C1orf159: variants seen among roughly 807,000 people sequenced by gnomAD.
C1orf159 encodes the protein uncharacterized protein C1orf159.
A neutral mutation model predicts 25.6 loss-of-function variants in C1orf159; 19 were observed. The observed-to-expected ratio is 0.74, with a 90% CI of 0.52 to 1.09. C1orf159 has a LOEUF of 1.09. Among genes scored for constraint, C1orf159 ranks in the 50% least tolerant of loss-of-function variants. The pLI, the probability that C1orf159 is intolerant of heterozygous loss-of-function variation, is 0.00. For synonymous variants in C1orf159, 139 were observed against 124.7 expected (o/e 1.12, Z -0.77); for missense variants, 274 against 290.6 (o/e 0.94, Z 0.42).
At chr1:1,091,702 TGGGTGGGGCTGTGGTGGA>T (rs1398470482) in intron 2 of C1orf159, 137 bp from the exon 3 acceptor site, 6 of 156,478 alleles carry the variant, frequency 3.8e-5, no homozygotes, top group Non-Finnish European at 8.0e-5. Context: ...CAAATGGAGA[TGGGTGGGGCTGTGGTGGA>T]GGGTGGGGCC....
intron 9 of C1orf159, chr1:1,083,765 C>A: frequency 1.4e-6 from 1 of 718,650 alleles, no homozygotes; most frequent in Non-Finnish European, 2.3e-6. Flanking sequence ...ACGGTCTGTC[C>A]CCTAAAGGCA....
At position 1,085,382 on chromosome 1, in the gene C1orf159, G is replaced by C. The variant is rs551677244; in HGVS notation, c.445+496C>G. On this transcript the variant is annotated intron_variant, in intron 7 of 9. Transcript: ENST00000421241. ...CCGCCTGAAGGCACCACAGTCACAA[G>C]GCCGTCTCTCCAGTGGGAAGGGGTC... is the stretch of plus-strand genomic sequence containing the variant. 3.0e-5 allele frequency: 10 copies of C among 332,840 alleles called. No homozygotes were observed. The East Asian group carries it at 7.8e-4, about 26-fold the overall frequency. The allele number at this position is 332,840 out of a possible 1,614,324, so 20.6% of individuals were successfully genotyped here. A position where few individuals can be genotyped will look rare whatever the true frequency, so the allele number is the denominator to read the frequency against.
rs761887046 is a variant in C1orf159, at chr1:1,089,726, A to G, written c.148+627T>C. On this transcript the variant is annotated intron_variant, in intron 4 of 9. Coordinates refer to ENST00000421241, the MANE Select transcript of C1orf159 (RefSeq NM_017891.5). This position sits in a 1 kb window ranked among gnomAD's most constrained non-coding sequence, Gnocchi z 7.5. The stretch of plus-strand genomic sequence containing the variant: ...GCTGGGGCATCTCAGCCCCAAGTTC[A>G]CCAAGGGCCGCCAAGGAGTGGCCCT... Among the ~76,000 whole-genome samples, 1 of 151,908 alleles carries G rather than the reference A, an allele frequency of 6.6e-6. No homozygotes were observed. Among genetic ancestry groups the G allele is most frequent in the African/African-American group, 2.4e-5 (1 of 41,334 alleles).
At chr1:1,097,452 G>A (rs539604358) in intron 1 of C1orf159, among the ~76,000 whole-genome samples, 77 of 151,878 alleles carry the variant, frequency 5.1e-4, no homozygotes, top group African/African-American at 1.8e-3. Context: ...TCTCTCTGTC[G>A]CCTGGGCTGG....
chr1:1,115,463 C>A (rs1307628120), intron 1 of C1orf159, among the ~76,000 whole-genome samples: 1 of 151,378 alleles, frequency 6.6e-6, no homozygotes, highest in Non-Finnish European at 1.5e-5. Flanking sequence ...CCCTTTCTTC[C>A]CCCGGGCGCC....
In C1orf159 at chr1:1,095,798, T is replaced by C. The variant is rs568737149; in HGVS notation, c.-135-3695A>G. ...GCCATCAAAAGTACAACGTCTAGTG[T>C]AGGTTTTTCATAGATGTTCATTTAT... On this transcript the variant is annotated intron_variant, in intron 1 of 9. Coordinates refer to ENST00000421241, the MANE Select transcript of C1orf159 (RefSeq NM_017891.5). Among the ~76,000 whole-genome samples, 7 of 152,338 alleles carry C rather than the reference T, an allele frequency of 4.6e-5. No individual in the cohort carries two copies. In the South Asian group the frequency reaches 1.2e-3, roughly 27 times the overall value.
intron 4 of C1orf159, among the ~76,000 whole-genome samples, chr1:1,088,243 C>T (rs1184304405): frequency 1.1e-5 from 1 of 90,394 alleles, no homozygotes; most frequent in Non-Finnish European, 2.3e-5. Flanking sequence ...CATGCCTCCC[C>T]CAGGGTCCCC....
Position 1,083,925 on chromosome 1 carries a change from CTT to C in C1orf159, c.502+426_502+427del, listed in dbSNP as rs1645784536. ...AAAATGGGTCCTAACCGGGCTGACT[CTT>C]GGGTCCGCCTGACCCAGCACCACTG... On this transcript the variant is annotated intron_variant, in intron 9 of 9. Transcript: ENST00000421241. 5 of 1,587,528 alleles carry C rather than the reference CTT, an allele frequency of 3.1e-6. No individual in the cohort carries two copies. In the East Asian group the frequency reaches 1.1e-4, roughly 36 times the overall value.
At chr1:1,094,354 T>G (rs1280902704) in intron 1 of C1orf159, among the ~76,000 whole-genome samples, 1 of 152,106 alleles carries the variant, frequency 6.6e-6, no homozygotes, top group African/African-American at 2.4e-5. Flanking sequence ...ACACATATTC[T>G]TCATCAGACT....
At chr1:1,091,969 C>T (rs918280271) in intron 2 of C1orf159, 22 bp downstream of exon 2, 3 of 457,422 alleles carry the variant, frequency 6.6e-6, no homozygotes, top group Admixed American at 2.4e-5. Context: ...ACGGGTGGGG[C>T]GAGGTGTAGG....
rs533574128 is a variant in C1orf159, at chr1:1,108,260, G to A, written c.-136+7800C>T. 6.6e-5 allele frequency among the ~76,000 whole-genome samples: 9 copies of A among 136,494 alleles called. No individual in the cohort carries two copies. In the South Asian group the frequency reaches 2.2e-3, roughly 33 times the overall value. The allele number at this position is 136,494 out of a possible 152,430, so 89.5% of individuals were successfully genotyped here. On this transcript the variant is annotated intron_variant, in intron 1 of 9. Transcript: ENST00000421241. ...CAGCACCGTTCACCACAGCCACCAT[G>A]TCTCAGCAGCACCGTCCACCACAGC...
At chr1:1,108,231 TCAGCAGCA>T (rs1557435866) in intron 1 of C1orf159, among the ~76,000 whole-genome samples, 1 of 79,686 alleles carries the variant, frequency 1.3e-5, no homozygotes, top group African/African-American at 1.0e-4. Context: ...CCACCATGTC[TCAGCAGCA>T]CCGTTCACCA....
chr1:1,092,053 A>AGCTCTGGGAGCTCATGGGCTC lies in C1orf159; in HGVS notation c.-106_-86dup, dbSNP rs1645947961. The stretch of plus-strand genomic sequence containing the variant: ...TTGCCCGCCTGGGTGTTCAGGGGTT[A>AGCTCTGGGAGCTCATGGGCTC]GCTCTGGGAGCTCATGGGCTCAGCT... On this transcript the variant is annotated 5_prime_UTR_variant, in exon 2 of 10. The change creates a new upstream start codon in the 5' untranslated region. Coordinates refer to ENST00000421241, the MANE Select transcript of C1orf159 (RefSeq NM_017891.5). The AGCTCTGGGAGCTCATGGGCTC allele has an allele frequency of 6.6e-6, 3 of 455,058 alleles. No homozygotes were observed. The highest frequency in any genetic ancestry group is 1.3e-5 in the Non-Finnish European group (3 of 226,326). The allele number at this position is 455,058 out of a possible 1,614,324, so 28.2% of individuals were successfully genotyped here.
rs1483962437 is a variant in C1orf159, at chr1:1,082,734, T to G, written c.*159A>C. 4 of 666,318 alleles carry G rather than the reference T, an allele frequency of 6.0e-6. No individual in the cohort carries two copies. Among genetic ancestry groups the G allele is most frequent in the Non-Finnish European group, 1.1e-5 (4 of 377,718 alleles). 41.3% of individuals were successfully genotyped at this position (666,318 alleles called of 1,614,324 possible). ...GGAGCCTCAGGCGGCCCGGGACCCT[T>G]TGGCGTCCGTCGCTGGGAGGCGGAG... On this transcript the variant is annotated 3_prime_UTR_variant, in exon 10 of 10. Coordinates refer to ENST00000421241, the MANE Select transcript of C1orf159 (RefSeq NM_017891.5).
At chr1:1,108,578 C>T (rs1458937383) in intron 1 of C1orf159, among the ~76,000 whole-genome samples, 2 of 137,746 alleles carry the variant, frequency 1.5e-5, no homozygotes, top group East Asian at 2.4e-4. Context: ...TCGGCACCGT[C>T]CACCACAGCC....
At chr1:1,109,178 A>C (rs1233779157) in intron 1 of C1orf159, among the ~76,000 whole-genome samples, 1 of 152,234 alleles carries the variant, frequency 6.6e-6, no homozygotes, top group African/African-American at 2.4e-5. Flanking sequence ...GTCTATACAG[A>C]CCGTGGAATA....
chr1:1,083,749 T>C (rs1318553172), intron 9 of C1orf159: 2 of 656,306 alleles, frequency 3.0e-6, no homozygotes, highest in Non-Finnish European at 5.2e-6. Context: ...CCAGCCTTGA[T>C]GGAGAACGGT....
intron 1 of C1orf159, among the ~76,000 whole-genome samples, chr1:1,103,931 T>G (rs1646136737): frequency 6.6e-6 from 1 of 151,866 alleles, no homozygotes; most frequent in Non-Finnish European, 1.5e-5. Flanking sequence ...ATTCTCCGTC[T>G]CAGCCTCCCA....
intron 7 of C1orf159, among the ~76,000 whole-genome samples, chr1:1,084,845 C>T (rs2100740245): frequency 6.6e-6 from 1 of 152,242 alleles, no homozygotes; most frequent in South Asian, 2.1e-4. Flanking sequence ...GCTCCAGGGT[C>T]CCAGGGGAAG....
Sources: allele counts gnomAD v4.1 joint callset (sites outside exome capture counted in the v4.1 genomes callset), GRCh38; gene constraint gnomAD v4.1.1; non-coding constraint Gnocchi (gnomAD v3.1); transcripts MANE v1.5; gene names NCBI Gene and HGNC (gene_info 2026-07-23, HGNC 2026-07-21).